The following SIPA1L2 variants were observed in gnomAD, a reference collection of about 807,000 sequenced individuals.
The protein encoded by SIPA1L2 is signal induced proliferation associated 1 like 2, also known as signal-induced proliferation-associated 1-like protein 2.
A neutral mutation model predicts 163.9 loss-of-function variants in SIPA1L2; 56 were observed. The ratio of observed to expected loss-of-function variants is 0.34; its 90% CI spans 0.28 to 0.43. The LOEUF (loss-of-function observed/expected upper bound fraction) is 0.43, where lower values mean the gene tolerates loss of function less well. Among genes scored for constraint, SIPA1L2 ranks in the 20% least tolerant of loss-of-function variants. The pLI, the probability that SIPA1L2 is intolerant of heterozygous loss-of-function variation, is 1.00. For missense variants in SIPA1L2, 1,974 were observed against 2,193.5 expected (o/e 0.90, Z 2.00); for synonymous variants, 877 against 865.7 (o/e 1.01, Z -0.23).
chr1:232,446,088 AG>A (rs1663201984), intron 10 of SIPA1L2, among the ~76,000 whole-genome samples: 1 of 152,180 alleles, frequency 6.6e-6, no homozygotes, highest in African/African-American at 2.4e-5. Flanking sequence ...CTGCTAATAC[AG>A]CCGTATGGTT....
rs1304468923 is a variant in SIPA1L2 at position 232,623,776 on chromosome 1, G to C, written c.-319+6093C>G. Reference sequence around the variant, plus strand: ...ACAGGCCAAAGTCAGAAATGTCTTCGGGAAAAAGAATAAATACACAGTAAA... The same window carrying C: ...ACAGGCCAAAGTCAGAAATGTCTTCCGGAAAAAGAATAAATACACAGTAAA... On this transcript the variant is annotated intron_variant, in intron 1 of 22. Transcript: ENST00000674635. Among the ~76,000 whole-genome samples the C allele has an allele frequency of 2.0e-5, 3 of 152,078 alleles. No homozygotes were observed. The South Asian group carries it at 6.2e-4, about 32-fold the overall frequency.
intron 1 of SIPA1L2, among the ~76,000 whole-genome samples, chr1:232,589,739 G>A (rs996101551): frequency 1.3e-5 from 2 of 152,086 alleles, no homozygotes; most frequent in Non-Finnish European, 2.9e-5. Context: ...CTTTACTACA[G>A]GAATCTAAGA....
rs551415457 is a variant in SIPA1L2 at position 232,604,135 on chromosome 1, T to C, written c.-319+25734A>G. ...TATCAGTTTAAGAATCTTCAAAAGATTCCAGCACGTGGTAAAGCATAAGGG... is the reference window on the plus strand; with the variant it reads ...TATCAGTTTAAGAATCTTCAAAAGACTCCAGCACGTGGTAAAGCATAAGGG... On this transcript the variant is annotated intron_variant, in intron 1 of 22. Transcript: ENST00000674635. Among the ~76,000 whole-genome samples, 10 of 152,256 alleles carry C rather than the reference T, an allele frequency of 6.6e-5. No homozygotes were observed. In the South Asian group the frequency reaches 2.1e-3, roughly 32 times the overall value.
intron 2 of SIPA1L2, among the ~76,000 whole-genome samples, chr1:232,520,414 G>A (rs1218615018): frequency 1.3e-5 from 2 of 152,144 alleles, no homozygotes; most frequent in Non-Finnish European, 2.9e-5. Context: ...TAACTGTCTT[G>A]GTAATAATTT....
chr1:232,468,878 T>C (rs565984439), intron 8 of SIPA1L2, among the ~76,000 whole-genome samples: 12 of 152,320 alleles, frequency 7.9e-5, no homozygotes, highest in African/African-American at 2.9e-4. Flanking sequence ...TATAAAGAAA[T>C]AGGCAATTTG....
rs2102930307 is a variant in SIPA1L2, at chr1:232,465,449, G to A, written c.2244-33C>T. On this transcript the variant is annotated intron_variant, in intron 8 of 22. Coordinates refer to ENST00000674635, the MANE Select transcript of SIPA1L2 (RefSeq NM_020808.5). This position sits in a 1 kb window ranked among gnomAD's most constrained non-coding sequence, Gnocchi z 4.1. Reference sequence around the variant, plus strand: ...AGTAAAAACAGAAACAAAATGAGATGAGCTATGATACCATAATATGTATCT... The same window carrying A: ...AGTAAAAACAGAAACAAAATGAGATAAGCTATGATACCATAATATGTATCT... The A allele has an allele frequency of 1.3e-6, 2 of 1,556,058 alleles. No homozygotes were observed. Among genetic ancestry groups the A allele is most frequent in the East Asian group, 2.3e-5 (1 of 44,424 alleles).
intron 2 of SIPA1L2, among the ~76,000 whole-genome samples, chr1:232,573,750 C>T (rs1467322016): frequency 2.0e-5 from 3 of 152,236 alleles, no homozygotes; most frequent in African/African-American, 4.8e-5. Context: ...TCACAACGGC[C>T]GCTCTCAGTG....
intron 3 of SIPA1L2, among the ~76,000 whole-genome samples, chr1:232,502,665 A>G (rs1165110683): frequency 2.0e-5 from 3 of 152,154 alleles, no homozygotes; most frequent in Non-Finnish European, 4.4e-5. Flanking sequence ...CTTATTGCGA[A>G]CACAGAGATG....
chr1:232,426,396 C>T (rs1661901089), intron 17 of SIPA1L2, among the ~76,000 whole-genome samples: 1 of 152,220 alleles, frequency 6.6e-6, no homozygotes, highest in Admixed American at 6.5e-5. Flanking sequence ...CACAGTGGCT[C>T]ATGCCTGGAA....
intron 1 of SIPA1L2, among the ~76,000 whole-genome samples, chr1:232,627,990 T>G (rs1047737456): frequency 1.3e-5 from 2 of 152,264 alleles, no homozygotes; most frequent in African/African-American, 4.8e-5. Context: ...TGTCTTATTT[T>G]AAGCTGGGCA....
intron 21 of SIPA1L2, among the ~76,000 whole-genome samples, chr1:232,402,942 C>T (rs964315220): frequency 2.0e-5 from 3 of 152,172 alleles, no homozygotes; most frequent in East Asian, 1.9e-4. Context: ...ACACATTTCA[C>T]GGGGAATGAA....
At chr1:232,430,057 A>G (rs982131474) in intron 16 of SIPA1L2, among the ~76,000 whole-genome samples, 41 of 152,388 alleles carry the variant, frequency 2.7e-4, no homozygotes, top group Non-Finnish European at 4.1e-4. Context: ...ATGACGTGTC[A>G]TAAATACGCT....
At chr1:232,509,530 G>A (rs1666884659) in intron 3 of SIPA1L2, among the ~76,000 whole-genome samples, 1 of 152,316 alleles carries the variant, frequency 6.6e-6, no homozygotes. Flanking sequence ...ATCGTTATCT[G>A]TGCCAGTCTG....
rs1662885157 is a variant in SIPA1L2 at position 232,441,408 on chromosome 1, A to G, written c.3539-14T>C. 3 of 1,591,776 alleles carry G rather than the reference A, an allele frequency of 1.9e-6. No homozygotes were observed. Among genetic ancestry groups the G allele is most frequent in the Non-Finnish European group, 2.6e-6 (3 of 1,169,454 alleles). On this transcript the variant is annotated splice_polypyrimidine_tract_variant and intron_variant, in intron 13 of 22. Transcript: ENST00000674635. ...GCCATTTGGTTTCTGTCACATAAAA[A>G]GAGAGGAGTTGAATTTCCAATTTCC...
chr1:232,557,284 C>T (rs936443619), intron 2 of SIPA1L2, among the ~76,000 whole-genome samples: 1 of 152,148 alleles, frequency 6.6e-6, no homozygotes, highest in Non-Finnish European at 1.5e-5. Flanking sequence ...CTAAGGCACC[C>T]CATAATGTGG....
At chr1:232,437,634 G>A (rs1662645216) in intron 15 of SIPA1L2, among the ~76,000 whole-genome samples, 1 of 152,246 alleles carries the variant, frequency 6.6e-6, no homozygotes, top group Middle Eastern at 3.4e-3. Context: ...GCACAGCTTG[G>A]TGACAGGGAC....
At chr1:232,433,053 G>A (rs1662343490) in intron 15 of SIPA1L2, among the ~76,000 whole-genome samples, 1 of 152,232 alleles carries the variant, frequency 6.6e-6, no homozygotes, top group Non-Finnish European at 1.5e-5. Flanking sequence ...CTCCAAGGGC[G>A]CACACACACA....
At position 232,445,703 on chromosome 1, in the gene SIPA1L2, A is replaced by T. The variant is rs757819910; in HGVS notation, c.3179T>A (p.Phe1060Tyr). 3 of 1,613,646 alleles carry T rather than the reference A, an allele frequency of 1.9e-6. No homozygotes were observed. The South Asian group carries it at 3.3e-5, about 18-fold the overall frequency. Residue 1060 changes from phenylalanine to tyrosine, a missense_variant, in exon 11 of 23, where the codon TTC (phenylalanine) becomes TAC (tyrosine). Phe to Tyr is a conservative substitution (Grantham distance 22). Transcript: ENST00000674635. ...CCGGTGCCACGTGGTGTTCCTCCTG[A>T]AGGGGGTTTTATACTCGCAGGGGGT... ...EGTPCEYKTP[F>Y]RRNTTWHRVP... is the part of the protein sequence containing the mutation.
At chr1:232,499,051 G>A (rs577196575) in intron 3 of SIPA1L2, among the ~76,000 whole-genome samples, 1 of 152,184 alleles carries the variant, frequency 6.6e-6, no homozygotes, top group African/African-American at 2.4e-5. Context: ...TTTTAGTGCC[G>A]TGGGGGTAAT....
Sources: gnomAD v4.1 joint callset for allele counts (sites outside exome capture counted in the v4.1 genomes callset) on GRCh38, gnomAD v4.1.1 for gene constraint, Gnocchi (gnomAD v3.1) non-coding constraint, MANE v1.5 for transcripts, NCBI Gene and HGNC (gene_info 2026-07-23, HGNC 2026-07-21) for gene names.